Variants in USP31 observed in about 807,000 individuals in gnomAD.
USP31 encodes the protein ubiquitin carboxyl-terminal hydrolase 31.
A neutral mutation model predicts 119.4 loss-of-function variants in USP31; 44 were observed. That is an observed-to-expected ratio of 0.37 (90% CI 0.29 to 0.47). USP31 has a LOEUF of 0.47. Ranked by LOEUF, USP31 falls within the 20% of genes least tolerant of loss-of-function variation. The pLI is 0.99. For missense variants in USP31, 1,643 were observed against 1,730.2 expected (o/e 0.95, Z 0.89); for synonymous variants, 749 against 705.6 (o/e 1.06, Z -0.97).
rs1266184254 is a variant in USP31 at position 23,063,494 on chromosome 16, C to A, written c.*4552G>T. ...AGAAAATGGCAGGTTATTTTTAGAA[C>A]AAAACACTTTAGGAAAGTCTTCAGG... On this transcript the variant is annotated 3_prime_UTR_variant, in exon 16 of 16. Transcript: ENST00000219689. 2 of 152,538 alleles carry A rather than the reference C, an allele frequency of 1.3e-5. No individual in the cohort carries two copies. Among genetic ancestry groups the A allele is most frequent in the African/African-American group, 2.4e-5 (1 of 41,434 alleles). 9.4% of individuals were successfully genotyped at this position (152,538 alleles called of 1,614,324 possible).
chr16:23,116,488 C>T (rs1399190794), intron 1 of USP31, among the ~76,000 whole-genome samples: 2 of 152,068 alleles, frequency 1.3e-5, no homozygotes, highest in East Asian at 1.9e-4. Context: ...AAAACAGATA[C>T]GACTCATGAA....
chr16:23,130,994 T>TCTTTTCACAAATGAC, intron 1 of USP31, among the ~76,000 whole-genome samples: 1 of 152,278 alleles, frequency 6.6e-6, no homozygotes. Flanking sequence ...TAACTTGGAG[T>TCTTTTCACAAATGAC]ATACGCTATA....
intron 1 of USP31, among the ~76,000 whole-genome samples, chr16:23,132,941 A>C (rs2141897312): frequency 6.6e-6 from 1 of 152,298 alleles, no homozygotes; most frequent in African/African-American, 2.4e-5. Context: ...CACTGTCAAC[A>C]CTGCTTCTAA....
At chr16:23,147,681 C>T (rs1280064721) in intron 1 of USP31, among the ~76,000 whole-genome samples, 1 of 152,148 alleles carries the variant, frequency 6.6e-6, no homozygotes, top group Non-Finnish European at 1.5e-5. Flanking sequence ...AATCCCAGCA[C>T]TTTGGGAGGC....
At chr16:23,083,351 A>G (rs1900923320) in intron 11 of USP31, among the ~76,000 whole-genome samples, 1 of 152,176 alleles carries the variant, frequency 6.6e-6, no homozygotes, top group African/African-American at 2.4e-5. Flanking sequence ...TTGTTCCACT[A>G]GACTACAAAC....
At chr16:23,081,391 C>G (rs1900817394) in intron 12 of USP31, among the ~76,000 whole-genome samples, 2 of 152,186 alleles carry the variant, frequency 1.3e-5, no homozygotes, top group South Asian at 2.1e-4. Flanking sequence ...CCTCAAACCT[C>G]TGTGTGAAAG....
At chr16:23,110,059 C>T (rs1902256463) in intron 1 of USP31, among the ~76,000 whole-genome samples, 1 of 152,066 alleles carries the variant, frequency 6.6e-6, no homozygotes, top group African/African-American at 2.4e-5. Flanking sequence ...TAGTAATGTA[C>T]CAATGTTAGC....
chr16:23,093,364 G>A (rs866177639), intron 6 of USP31, among the ~76,000 whole-genome samples: 15 of 151,902 alleles, frequency 9.9e-5, no homozygotes, highest in Middle Eastern at 3.2e-3. Flanking sequence ...ATTTAAAATG[G>A]GAAAAAGGCT....
intron 1 of USP31, among the ~76,000 whole-genome samples, chr16:23,121,071 A>C (rs1350631441): frequency 6.6e-6 from 1 of 152,218 alleles, no homozygotes; most frequent in African/African-American, 2.4e-5. Context: ...GCATTGACTC[A>C]CTATTCTGCT....
chr16:23,130,628 C>A (rs538749323), intron 1 of USP31, among the ~76,000 whole-genome samples: 2 of 152,088 alleles, frequency 1.3e-5, no homozygotes, highest in African/African-American at 4.8e-5. Context: ...AAAGACTCCC[C>A]TAGGGAGTCT....
At position 23,068,062 on chromosome 16, in the gene USP31, G is replaced by A; in HGVS notation, c.4043C>T (p.Ser1348Phe). ...SSSMQTSARP[S>F]QKPQ ...GCAGAAATATCACTGAGGTTTTTGA[G>A]AAGGCCGTGCAGAGGTTTGCATGCT... The change falls in exon 16 of 16, where the codon TCT becomes TTT. Residue 1348 changes from serine to phenylalanine, a missense_variant. Physicochemically the swap from Ser to Phe is radical, Grantham distance 155. Coordinates refer to ENST00000219689, the MANE Select transcript of USP31 (RefSeq NM_020718.4). 1 of 1,608,352 alleles carries A rather than the reference G, an allele frequency of 6.2e-7. No individual in the cohort carries two copies. The highest frequency in any genetic ancestry group is 8.5e-7 in the Non-Finnish European group (1 of 1,177,702).
At chr16:23,146,924 C>T (rs1903526190) in intron 1 of USP31, among the ~76,000 whole-genome samples, 1 of 149,690 alleles carries the variant, frequency 6.7e-6, no homozygotes, top group Admixed American at 6.7e-5. Flanking sequence ...ATTCTAGCTA[C>T]TGTTACCTGC....
intron 1 of USP31, among the ~76,000 whole-genome samples, chr16:23,126,104 C>T (rs1192052988): frequency 6.6e-6 from 1 of 151,126 alleles, no homozygotes; most frequent in African/African-American, 2.4e-5. Context: ...TCACTTGAGG[C>T]CAGGAATTCA....
chr16:23,106,265 T>C lies in USP31; in HGVS notation c.901A>G (p.Thr301Ala), dbSNP rs1326965391. ...TCPHCQKQSN[T>A]FDPFLCISLP... ...GAAATGCAAAGGAAAGGATCAAAAG[T>C]GTTGCTCTGTTTCTGACAATGAGGA... Residue 301 changes from threonine to alanine, a missense_variant, in exon 4 of 16, where the codon ACT becomes GCT. Around this residue, in one of 5 missense-constraint regions of USP31, gnomAD observed 144 missense variants for 218.0 expected, o/e 0.66. Transcript: ENST00000219689. The C allele has an allele frequency of 1.2e-6, 2 of 1,614,172 alleles. No homozygotes were observed. The highest frequency in any genetic ancestry group is 1.7e-6 in the Non-Finnish European group (2 of 1,180,034).
At chr16:23,088,040 AC>A (rs1901187887) in intron 7 of USP31, among the ~76,000 whole-genome samples, 1 of 152,212 alleles carries the variant, frequency 6.6e-6, no homozygotes, top group Non-Finnish European at 1.5e-5. Context: ...AATAGCCAAT[AC>A]ACCAAAATGG....
At chr16:23,094,568 T>C (rs1901517886) in intron 6 of USP31, among the ~76,000 whole-genome samples, 1 of 152,196 alleles carries the variant, frequency 6.6e-6, no homozygotes, top group Admixed American at 6.5e-5. Context: ...GACTCCCATG[T>C]AGCCTAACTG....
intron 6 of USP31, among the ~76,000 whole-genome samples, chr16:23,100,123 C>T (rs990949462): frequency 6.6e-6 from 1 of 152,012 alleles, no homozygotes; most frequent in African/African-American, 2.4e-5. Flanking sequence ...CTGTAAGTAC[C>T]CCAAATGATT....
At chr16:23,110,746 T>C (rs369872266) in intron 1 of USP31, among the ~76,000 whole-genome samples, 70 of 152,282 alleles carry the variant, frequency 4.6e-4, no homozygotes, top group Non-Finnish European at 8.1e-4. Flanking sequence ...GTGTGATGAA[T>C]AGATTTTGAG....
Position 23,148,801 on chromosome 16 carries a change from G to A in USP31, c.470C>T (p.Ala157Val), listed in dbSNP as rs1264443756. The A allele has an allele frequency of 3.9e-6, 6 of 1,538,436 alleles. No individual in the cohort carries two copies. Among genetic ancestry groups the A allele is most frequent in the Non-Finnish European group, 5.2e-6 (6 of 1,147,174 alleles). ...CCGCCCCGCCCGGTACTGGCCCAGC[G>A]CCAGGTACTCGGCGAAGAGCTCGGT... ...SNTELFAEYLALGQYRAGRPE... is the reference protein window; with the variant it reads ...SNTELFAEYLVLGQYRAGRPE... Residue 157 changes from alanine (A) to valine (V), a missense_variant, in exon 1 of 16, where the codon GCG becomes GTG. Around this residue, in one of 5 missense-constraint regions of USP31, gnomAD observed 302 missense variants for 262.6 expected, o/e 1.15. Coordinates refer to ENST00000219689, the MANE Select transcript of USP31 (RefSeq NM_020718.4).
Sources: gnomAD v4.1 joint callset for allele counts (sites outside exome capture counted in the v4.1 genomes callset) on GRCh38, gnomAD v4.1.1 for gene constraint, gnomAD v4.1.1 regional missense constraint, MANE v1.5 for transcripts, NCBI Gene and HGNC (gene_info 2026-07-23, HGNC 2026-07-21) for gene names.